The following LPP variants were observed in gnomAD, a reference collection of about 807,000 sequenced individuals.
The protein encoded by LPP is LIM domain containing preferred translocation partner in lipoma.
A neutral mutation model predicts 60.4 loss-of-function variants in LPP; 38 were observed. The observed-to-expected ratio is 0.63, with a 90% CI of 0.49 to 0.83. LPP has a LOEUF of 0.83. Among genes scored for constraint, LPP ranks in the 40% least tolerant of loss-of-function variants. The pLI, the probability that LPP is intolerant of heterozygous loss-of-function variation, is 0.00. For synonymous variants in LPP, 328 were observed against 290.8 expected (o/e 1.13, Z -1.30); for missense variants, 902 against 783.6 (o/e 1.15, Z -1.80).
chr3:188,592,113 T>C (rs1838843531), intron 6 of LPP, among the ~76,000 whole-genome samples: 1 of 152,212 alleles, frequency 6.6e-6, no homozygotes, highest in African/African-American at 2.4e-5. Context: ...TAGTGCTTTT[T>C]GTTCTGGTTT....
At chr3:188,663,088 A>T (rs1854955742) in intron 7 of LPP, among the ~76,000 whole-genome samples, 1 of 152,240 alleles carries the variant, frequency 6.6e-6, no homozygotes, top group South Asian at 2.1e-4. Flanking sequence ...GGAAAGAAGA[A>T]ACAAGTGGGG....
At chr3:188,302,389 ATT>A (rs1336905755) in intron 2 of LPP, among the ~76,000 whole-genome samples, 8 of 152,208 alleles carry the variant, frequency 5.3e-5, no homozygotes, top group Non-Finnish European at 1.0e-4. Context: ...TCCACTTTAA[ATT>A]TTATGGTAAC....
intron 1 of LPP, among the ~76,000 whole-genome samples, chr3:188,195,275 AAAAAG>A (rs200781973): frequency 0.012 from 1,846 of 152,250 alleles, 18 homozygotes; most frequent in South Asian, 0.03. Context: ...AAAAGAAAGA[AAAAAG>A]AAAGAGGCTG....
At chr3:188,723,024 G>A (rs939499384) in intron 8 of LPP, among the ~76,000 whole-genome samples, 2 of 152,072 alleles carry the variant, frequency 1.3e-5, no homozygotes, top group Non-Finnish European at 2.9e-5. Flanking sequence ...GTGTTTTTTA[G>A]TCATTGTGTG....
At chr3:188,822,704 A>G (rs1246640104) in intron 9 of LPP, among the ~76,000 whole-genome samples, 2 of 152,174 alleles carry the variant, frequency 1.3e-5, no homozygotes, top group East Asian at 3.9e-4. Context: ...AGAGCTTGTC[A>G]TTATGCCTGG....
intron 4 of LPP, among the ~76,000 whole-genome samples, chr3:188,415,260 A>T (rs143032965): frequency 1.3e-5 from 2 of 152,302 alleles, no homozygotes; most frequent in African/African-American, 4.8e-5. Flanking sequence ...CACATGTATT[A>T]GAAAAGCTAA....
chr3:188,580,334 C>T (rs1835785030), intron 6 of LPP, among the ~76,000 whole-genome samples: 1 of 152,066 alleles, frequency 6.6e-6, no homozygotes, highest in Non-Finnish European at 1.5e-5. Context: ...TCAAGAACCT[C>T]TGCCTCTTTA....
intron 9 of LPP, among the ~76,000 whole-genome samples, chr3:188,763,345 A>G (rs1441318972): frequency 6.6e-6 from 1 of 151,976 alleles, no homozygotes; most frequent in South Asian, 2.1e-4. Flanking sequence ...CTCTGAGTTC[A>G]GGAATGAGAC....
intron 9 of LPP, among the ~76,000 whole-genome samples, chr3:188,820,661 G>T (rs781571782): frequency 6.6e-5 from 10 of 152,092 alleles, no homozygotes; most frequent in Non-Finnish European, 1.5e-4. Flanking sequence ...GCTTAACTGA[G>T]AAATTAACTT....
At chr3:188,220,398 G>A (rs1417159558) in intron 1 of LPP, among the ~76,000 whole-genome samples, 1 of 152,146 alleles carries the variant, frequency 6.6e-6, no homozygotes, top group African/African-American at 2.4e-5. Flanking sequence ...AGCTCTTCAA[G>A]GGCAGGGAGG....
chr3:188,272,497 C>T (rs535312682), intron 2 of LPP, among the ~76,000 whole-genome samples: 4 of 152,266 alleles, frequency 2.6e-5, no homozygotes, highest in South Asian at 2.1e-4. Flanking sequence ...TTTTGGGAAG[C>T]GTTTGCTTCC....
In LPP at chr3:188,872,421, T is replaced by C. The variant is rs1768347851; in HGVS notation, c.1590-222T>C. Reference sequence around the variant, plus strand: ...GGAAAGAGATGCTAGATGCTCTTCATGCCCAAGCAATTCACACGCTCACTC... The same window carrying C: ...GGAAAGAGATGCTAGATGCTCTTCACGCCCAAGCAATTCACACGCTCACTC... On this transcript the variant is annotated intron_variant, in intron 10 of 11. Coordinates refer to ENST00000617246, the MANE Select transcript of LPP (RefSeq NM_001375462.1). Among the ~76,000 whole-genome samples the C allele has an allele frequency of 1.3e-5, 2 of 152,180 alleles. 1 individual carries two copies. Among genetic ancestry groups the C allele is most frequent in the South Asian group, 4.1e-4 (2 of 4,830 alleles).
chr3:188,318,526 A>G (rs1256083122), intron 2 of LPP, among the ~76,000 whole-genome samples: 2 of 152,040 alleles, frequency 1.3e-5, no homozygotes, highest in Non-Finnish European at 2.9e-5. Context: ...TTCTTTTAGC[A>G]GAAGACTTGA....
chr3:188,425,512 A>G (rs1789058127), intron 4 of LPP, among the ~76,000 whole-genome samples: 1 of 152,184 alleles, frequency 6.6e-6, no homozygotes, highest in South Asian at 2.1e-4. Context: ...GAATAATTTC[A>G]GAAGGAATGG....
chr3:188,499,959 A>G (rs1289786704), intron 5 of LPP, among the ~76,000 whole-genome samples: 1 of 152,104 alleles, frequency 6.6e-6, no homozygotes, highest in African/African-American at 2.4e-5. Context: ...TAGTAACTTT[A>G]TATGCTCTAC....
At chr3:188,282,826 A>G (rs2149942276) in intron 2 of LPP, among the ~76,000 whole-genome samples, 1 of 152,288 alleles carries the variant, frequency 6.6e-6, no homozygotes, top group Admixed American at 6.5e-5. Context: ...CACAGTTTGT[A>G]CTTTCAGAGA....
In LPP at chr3:188,304,243, A is replaced by G. The variant is rs1750816775; in HGVS notation, c.-66-37420A>G. ...TAGAAAATTTGCATTCTCTTGCTGTACCTCCAATTCAGAGTGTAGTGTAAT... is the reference window on the plus strand; with the variant it reads ...TAGAAAATTTGCATTCTCTTGCTGTGCCTCCAATTCAGAGTGTAGTGTAAT... On this transcript the variant is annotated intron_variant, in intron 2 of 11. Coordinates refer to ENST00000617246, the MANE Select transcript of LPP (RefSeq NM_001375462.1). Among the ~76,000 whole-genome samples the G allele has an allele frequency of 2.0e-5, 3 of 152,136 alleles. No individual in the cohort carries two copies. The South Asian group carries it at 6.2e-4, about 31-fold the overall frequency.
chr3:188,506,923 A>G (rs9823518), intron 5 of LPP, among the ~76,000 whole-genome samples: 141,970 of 151,560 alleles, frequency 0.94, 66,651 homozygotes, highest in East Asian at 1. Flanking sequence ...TCAGCCTCCC[A>G]AGTAGCTGGG....
intron 8 of LPP, among the ~76,000 whole-genome samples, chr3:188,755,809 C>CAAAAAAAAAAA (rs58696911): frequency 4.1e-5 from 3 of 73,992 alleles, no homozygotes; most frequent in Non-Finnish European, 5.5e-5. Context: ...GATCCTGTCA[C>CAAAAAAAAAAA]AAAAAAAAAA....
Sources: allele counts gnomAD v4.1 joint callset (sites outside exome capture counted in the v4.1 genomes callset), GRCh38; gene constraint gnomAD v4.1.1; transcripts MANE v1.5; gene names NCBI Gene and HGNC (gene_info 2026-07-23, HGNC 2026-07-21).